Variants in OR51B5 observed in about 807,000 individuals in gnomAD.
OR51B5 encodes olfactory receptor 51B5.
For missense variants in OR51B5, 456 were observed against 374.6 expected (o/e 1.22, Z -1.79); for synonymous variants, 186 against 144.8 (o/e 1.28, Z -2.04).
At chr11:5,378,461 G>A (rs1849561983) in intron 1 of OR51B5, among the ~76,000 whole-genome samples, 1 of 152,158 alleles carries the variant, frequency 6.6e-6, no homozygotes, top group South Asian at 2.1e-4. Flanking sequence ...ATTCACTAAT[G>A]GGATCTAATG....
At chr11:5,353,164 G>C (rs1039414071) in intron 1 of OR51B5, among the ~76,000 whole-genome samples, 1 of 151,954 alleles carries the variant, frequency 6.6e-6, no homozygotes, top group Admixed American at 6.6e-5. Context: ...TCTTCAATGA[G>C]GGTAAACCAT....
chr11:5,340,392 T>G (rs191810716), downstream of OR51B5: 21 of 152,236 alleles, frequency 1.4e-4, no homozygotes, highest in Admixed American at 1.3e-3. Flanking sequence ...TATTATAGTT[T>G]GAAGTCACTT....
At chr11:5,340,382 TATTATAGTTTG>T (rs1232118690), downstream of OR51B5, 1 of 151,600 alleles carries the variant, frequency 6.6e-6, no homozygotes, top group African/African-American at 2.4e-5. Context: ...TCTAAATATT[TATTATAGTTTG>T]AAGTCACTTG....
chr11:5,405,117 G>C (rs958106282), intron 1 of OR51B5, among the ~76,000 whole-genome samples: 2 of 152,138 alleles, frequency 1.3e-5, no homozygotes, highest in Non-Finnish European at 2.9e-5. Context: ...TTAAAATGAT[G>C]TAAAGCGTTT....
intron 1 of OR51B5, among the ~76,000 whole-genome samples, chr11:5,377,439 T>G (rs1158178213): frequency 6.6e-6 from 1 of 152,120 alleles, no homozygotes; most frequent in Non-Finnish European, 1.5e-5. Context: ...CTATTCAACA[T>G]AGTGTTGGAA....
In OR51B5 at chr11:5,357,395, G is replaced by C. The variant is rs540978285; in HGVS notation, n.85-10485C>G. 9.1e-3 allele frequency among the ~76,000 whole-genome samples: 1,370 copies of C among 150,884 alleles called. 20 individuals are homozygous for C. The highest frequency in any genetic ancestry group is 0.032 in the African/African-American group (1,321 of 40,878). ...AGACAAAGAAGGCCATTACATAATGGTAAAGGGATCAATTCAACAAGAAGA... is the reference window on the plus strand; with the variant it reads ...AGACAAAGAAGGCCATTACATAATGCTAAAGGGATCAATTCAACAAGAAGA... On this transcript the variant is annotated intron_variant and non_coding_transcript_variant, in intron 1 of 4. Coordinates refer to the OR51B5 transcript ENST00000415970.
At chr11:5,390,096 T>A (rs1461274829) in intron 1 of OR51B5, 1 of 1,613,838 alleles carries the variant, frequency 6.2e-7, no homozygotes, top group Non-Finnish European at 8.5e-7. Context: ...TATGGACTCA[T>A]CCTGCACACA....
chr11:5,345,943 T>C (rs570050183), upstream of OR51B5: 8 of 152,148 alleles, frequency 5.3e-5, no homozygotes, highest in African/African-American at 1.4e-4. Flanking sequence ...GAACATACAA[T>C]GAGTGATGTA....
chr11:5,345,089 A>C (rs5017236), upstream of OR51B5, among the ~76,000 whole-genome samples: 54,289 of 152,126 alleles, frequency 0.36, 11,277 homozygotes, highest in Admixed American at 0.48. Flanking sequence ...GCAGGTAGTA[A>C]TCAAGTGTCA....
downstream of OR51B5, chr11:5,340,672 A>C (rs1271087260): frequency 6.6e-6 from 1 of 152,218 alleles, no homozygotes; most frequent in Non-Finnish European, 1.5e-5. Context: ...AGTAGAAGCC[A>C]CTAAGGATAG....
At chr11:5,397,421 A>C (rs1240688171) in intron 1 of OR51B5, among the ~76,000 whole-genome samples, 6 of 152,220 alleles carry the variant, frequency 3.9e-5, no homozygotes, top group Non-Finnish European at 7.3e-5. Context: ...AAAAGAAGAC[A>C]TTTATGCAGC....
rs139875938 is a variant in OR51B5 at position 5,408,547 on chromosome 11, T to C, written n.85-61637A>G. ...GTCATTCATGACATCCAATTGGTGG[T>C]CTGGTGCTATTAGCTAGAGACTGGT... On this transcript the variant is annotated intron_variant and non_coding_transcript_variant, in intron 1 of 4. Transcript: ENST00000415970. 1.4e-4 allele frequency among the ~76,000 whole-genome samples: 21 copies of C among 152,290 alleles called. No homozygotes were observed. The East Asian group carries it at 2.1e-3, about 15-fold the overall frequency.
intron 1 of OR51B5, among the ~76,000 whole-genome samples, chr11:5,381,932 T>C (rs1475471815): frequency 3.9e-5 from 6 of 152,206 alleles, no homozygotes; most frequent in Non-Finnish European, 7.3e-5. Context: ...CACTAAACAG[T>C]ATTGTTTATC....
chr11:5,469,656 C>T (rs1450025931), intron 1 of OR51B5, among the ~76,000 whole-genome samples: 2 of 152,146 alleles, frequency 1.3e-5, no homozygotes, highest in Non-Finnish European at 2.9e-5. Context: ...CCCATAGAAA[C>T]CTTTGACTAA....
intron 1 of OR51B5, chr11:5,352,544 C>T: frequency 1.4e-6 from 1 of 721,426 alleles, no homozygotes; most frequent in Non-Finnish European, 2.3e-6. Flanking sequence ...TCAATGAGAA[C>T]TAATCAATCC....
intron 1 of OR51B5, among the ~76,000 whole-genome samples, chr11:5,444,493 T>G (rs78169643): frequency 0.03 from 4,497 of 152,122 alleles, 179 homozygotes; most frequent in African/African-American, 0.097. Flanking sequence ...TGGCTCACAT[T>G]TAGAAGGGGA....
At chr11:5,358,859 A>G (rs1325541146) in intron 1 of OR51B5, among the ~76,000 whole-genome samples, 2 of 152,142 alleles carry the variant, frequency 1.3e-5, no homozygotes, top group Non-Finnish European at 2.9e-5. Context: ...CAATAAATGT[A>G]ATCCAGCATA....
chr11:5,379,107 A>G (rs1450671879), intron 1 of OR51B5, among the ~76,000 whole-genome samples: 1 of 151,756 alleles, frequency 6.6e-6, no homozygotes, highest in Non-Finnish European at 1.5e-5. Context: ...TGTGGCACAT[A>G]TACACCATGG....
At chr11:5,491,910 G>T (rs929403539) in intron 1 of OR51B5, among the ~76,000 whole-genome samples, 3 of 152,164 alleles carry the variant, frequency 2.0e-5, no homozygotes, top group African/African-American at 7.2e-5. Context: ...GCATGAACCT[G>T]ATCCTGCTAG....
Sources: allele counts gnomAD v4.1 joint callset (sites outside exome capture counted in the v4.1 genomes callset), GRCh38; gene constraint gnomAD v4.1.1; transcripts MANE v1.5; gene names NCBI Gene and HGNC (gene_info 2026-07-23, HGNC 2026-07-21).